ACSM2B: variants seen among roughly 807,000 people sequenced by gnomAD.
ACSM2B encodes the protein acyl-CoA synthetase medium chain family member 2B.
Under a neutral mutation model 78.6 loss-of-function variants are expected in ACSM2B, and 58 were observed. The ratio of observed to expected loss-of-function variants is 0.74; its 90% CI spans 0.60 to 0.92. The LOEUF is 0.92. ACSM2B is among the 40% of genes least tolerant of loss of function. The probability of loss-of-function intolerance (pLI) is 0.00; values close to 1 mark genes in which losing one functional copy is unlikely to be tolerated. For synonymous variants in ACSM2B, 257 were observed against 256.8 expected, an observed-to-expected ratio of 1.00 and a Z score of -0.01; for missense variants, 688 against 711.2, an observed-to-expected ratio of 0.97 and a Z score of 0.37.
At chr16:20,557,417 G>A (rs1180437846) in intron 3 of ACSM2B, among the ~76,000 whole-genome samples, 1 of 147,774 alleles carries the variant, frequency 6.8e-6, no homozygotes, top group Non-Finnish European at 1.5e-5. Context: ...CCCCCCAATT[G>A]CCTGTTAAAT....
In ACSM2B at chr16:20,562,658, A is replaced by G. The variant is rs567483849; in HGVS notation, c.177+2011T>C. On this transcript the variant is annotated intron_variant, in intron 2 of 13. Coordinates refer to ENST00000329697, the MANE Select transcript of ACSM2B (RefSeq NM_001105069.2). ...TGTGAAATTAATGCAATTCCACAGC[A>G]TTAGAATTATGGTAGATGGTAGGGG... is the stretch of plus-strand genomic sequence containing the variant. 2.6e-5 allele frequency among the ~76,000 whole-genome samples: 4 copies of G among 152,284 alleles called. No homozygotes were observed. In the East Asian group the frequency reaches 5.8e-4, roughly 22 times the overall value.
At position 20,564,664 on chromosome 16, in the gene ACSM2B, A is replaced by G. The variant is rs775712341; in HGVS notation, c.177+5T>C. ...TCACTCTGTGCCTCTTTTCCATCCCATTACCTTCTCCATGTCAGCCCAGTG... is the reference window on the plus strand; with the variant it reads ...TCACTCTGTGCCTCTTTTCCATCCCGTTACCTTCTCCATGTCAGCCCAGTG... On this transcript the variant is annotated splice_donor_5th_base_variant and intron_variant, in intron 2 of 13. Coordinates refer to ENST00000329697, the MANE Select transcript of ACSM2B (RefSeq NM_001105069.2). 6.2e-7 allele frequency: 1 copy of G among 1,613,656 alleles called. No individual in the cohort carries two copies. The highest frequency in any genetic ancestry group is 1.7e-5 in the Admixed American group (1 of 59,910).
intron 1 of ACSM2B, among the ~76,000 whole-genome samples, chr16:20,568,652 A>G (rs2016004321): frequency 6.6e-6 from 1 of 151,710 alleles, no homozygotes; most frequent in Non-Finnish European, 1.5e-5. Flanking sequence ...CCAGTTTTCC[A>G]CAGTGGCTGT....
intron 1 of ACSM2B, among the ~76,000 whole-genome samples, chr16:20,570,846 T>A (rs1038473137): frequency 1.3e-5 from 2 of 151,966 alleles, no homozygotes; most frequent in Non-Finnish European, 2.9e-5. Context: ...CTAAGTTTTT[T>A]AGTTTATGTG....
chr16:20,558,742 T>C (rs1432542843), intron 3 of ACSM2B, among the ~76,000 whole-genome samples: 8 of 152,308 alleles, frequency 5.3e-5, no homozygotes, highest in African/African-American at 1.9e-4. Flanking sequence ...TTAGGTTTTG[T>C]GGATAAGACA....
chr16:20,540,745 G>A lies in ACSM2B; in HGVS notation c.1538C>T (p.Ser513Leu), dbSNP rs761288312. 3.0e-5 allele frequency: 48 copies of A among 1,613,948 alleles called. No individual in the cohort carries two copies. The highest frequency in any genetic ancestry group is 8.9e-5 in the East Asian group (4 of 44,878). ...EVVKAFVILASQFLSHDPEQL... is the reference protein window; with the variant it reads ...EVVKAFVILALQFLSHDPEQL... Reference sequence around the variant, plus strand: ...TTCTGGGTCATGGGATAGGAACTGCGAGGCCAGGATCACAAATGCCTTCAC... The same window carrying A: ...TTCTGGGTCATGGGATAGGAACTGCAAGGCCAGGATCACAAATGCCTTCAC... The change falls in exon 13 of 14, where the codon TCG becomes TTG. Residue 513 changes from serine to leucine, a missense_variant. By Grantham distance (145) the Ser-to-Leu change is moderately radical. Transcript: ENST00000329697.
At chr16:20,556,018 T>A (rs1327548083) in intron 3 of ACSM2B, among the ~76,000 whole-genome samples, 1 of 152,086 alleles carries the variant, frequency 6.6e-6, no homozygotes, top group African/African-American at 2.4e-5. Flanking sequence ...AGCGGTATTA[T>A]AATTTTTGAA....
intron 8 of ACSM2B, chr16:20,546,936 T>A (rs1421737771): frequency 4.7e-6 from 1 of 211,598 alleles, no homozygotes; most frequent in Non-Finnish European, 8.2e-6. Flanking sequence ...TCATGAAGAC[T>A]GAGGTATCCA....
At chr16:20,547,921 A>G (rs954606839) in intron 8 of ACSM2B, 141 bp downstream of exon 8, 2 of 1,511,036 alleles carry the variant, frequency 1.3e-6, no homozygotes, top group South Asian at 1.4e-5. Context: ...TTCAATACTC[A>G]GTACCTGTCC....
At chr16:20,547,971 T>C (rs1567207932) in intron 8 of ACSM2B, 91 bp downstream of exon 8, 3 of 1,575,386 alleles carry the variant, frequency 1.9e-6, no homozygotes, top group Non-Finnish European at 2.6e-6. Flanking sequence ...AATAAATGAA[T>C]GATACATGGT....
At chr16:20,548,538 A>C in intron 6 of ACSM2B, 65 bp from the exon 7 acceptor site, 1 of 1,611,394 alleles carries the variant, frequency 6.2e-7, no homozygotes, top group South Asian at 1.1e-5. Flanking sequence ...GGCTATGCAC[A>C]GTGGTTACAA....
intron 4 of ACSM2B, among the ~76,000 whole-genome samples, chr16:20,554,965 C>A (rs8062555): frequency 2.0e-5 from 3 of 152,042 alleles, no homozygotes; most frequent in African/African-American, 7.3e-5. Flanking sequence ...ATAACACCCC[C>A]AGGACAACCC....
Position 20,559,643 on chromosome 16 carries a change from A to G in ACSM2B, c.178-196T>C, listed in dbSNP as rs1021756218. Among the ~76,000 whole-genome samples the G allele has an allele frequency of 2.0e-5, 3 of 150,254 alleles. 1 individual carries two copies. Among genetic ancestry groups the G allele is most frequent in the Non-Finnish European group, 4.5e-5 (3 of 67,356 alleles). On this transcript the variant is annotated intron_variant, in intron 2 of 13. Coordinates refer to ENST00000329697, the MANE Select transcript of ACSM2B (RefSeq NM_001105069.2). The stretch of plus-strand genomic sequence containing the variant: ...TATATCTATCAATATCTACCATAGT[A>G]GATATTAAAACAGAATTTTTGTAAA...
intron 10 of ACSM2B, 198 bp downstream of exon 10, chr16:20,544,959 T>C (rs1433204953): frequency 3.0e-6 from 3 of 1,014,802 alleles, no homozygotes; most frequent in Admixed American, 3.2e-5. Context: ...TCCAATGAGA[T>C]CACAGTGATA....
intron 10 of ACSM2B, among the ~76,000 whole-genome samples, chr16:20,543,925 T>A (rs760241420): frequency 6.6e-6 from 1 of 152,202 alleles, no homozygotes; most frequent in Non-Finnish European, 1.5e-5. Flanking sequence ...GGGATACTGA[T>A]GATCAGAGAC....
chr16:20,556,475 G>A (rs2015477766), intron 3 of ACSM2B, among the ~76,000 whole-genome samples: 1 of 152,102 alleles, frequency 6.6e-6, no homozygotes, highest in Non-Finnish European at 1.5e-5. Context: ...GGTGGCACAC[G>A]CCTGTAATCC....
intron 1 of ACSM2B, among the ~76,000 whole-genome samples, chr16:20,571,268 T>A (rs1416871447): frequency 6.6e-6 from 1 of 152,068 alleles, no homozygotes; most frequent in Non-Finnish European, 1.5e-5. Context: ...ATAGCTTGTG[T>A]CACTATTGTC....
At chr16:20,565,234 C>A (rs2015789337) in intron 1 of ACSM2B, among the ~76,000 whole-genome samples, 1 of 152,164 alleles carries the variant, frequency 6.6e-6, no homozygotes, top group Admixed American at 6.6e-5. Context: ...AGTGACTACC[C>A]AGTGCATTTA....
At position 20,540,109 on chromosome 16, in the gene ACSM2B, A is replaced by G. The variant is rs9921584; in HGVS notation, c.1629+545T>C. Among the ~76,000 whole-genome samples the G allele has an allele frequency of 8.2e-3, 1,245 of 152,142 alleles. 18 individuals are homozygous for G. Among genetic ancestry groups the G allele is most frequent in the African/African-American group, 0.029 (1,215 of 41,508 alleles). On this transcript the variant is annotated intron_variant, in intron 13 of 13. Transcript: ENST00000329697. ...GGCTAGAACTTATTCCCTTGACAGC[A>G]TTTGGCTTTTGATTCAGAGTGAGTC...
Sources: allele counts gnomAD v4.1 joint callset (sites outside exome capture counted in the v4.1 genomes callset), GRCh38; gene constraint gnomAD v4.1.1; transcripts MANE v1.5; gene names NCBI Gene and HGNC (gene_info 2026-07-23, HGNC 2026-07-21).